Variants in DLG2 observed in about 807,000 individuals in gnomAD.
The protein encoded by DLG2 is disks large homolog 2.
DLG2 carries 45 observed loss-of-function variants against 132.5 expected under a neutral mutation model. The ratio of observed to expected loss-of-function variants is 0.34; its 90% confidence interval spans 0.27 to 0.44. The LOEUF (loss-of-function observed/expected upper bound fraction) is 0.44, where lower values mean the gene tolerates loss of function less well. Ranked by LOEUF, DLG2 falls within the 20% of genes least tolerant of loss-of-function variation. The pLI, the probability that DLG2 is intolerant of heterozygous loss-of-function variation, is 1.00. For synonymous variants in DLG2, 424 were observed against 419.6 expected (o/e 1.01, Z -0.13); for missense variants, 1,045 against 1,196.9 (o/e 0.87, Z 1.87).
intron 21 of DLG2, among the ~76,000 whole-genome samples, chr11:83,526,059 C>T (rs977941022): frequency 3.9e-5 from 6 of 152,148 alleles, no homozygotes; most frequent in Non-Finnish European, 2.9e-5. Flanking sequence ...TGAGATTTCT[C>T]AATGCCAGCT....
intron 7 of DLG2, among the ~76,000 whole-genome samples, chr11:84,373,879 C>A (rs1272088155): frequency 6.6e-6 from 1 of 152,140 alleles, no homozygotes; most frequent in African/African-American, 2.4e-5. Context: ...AACACTGGAT[C>A]TAATCTCACA....
intron 6 of DLG2, among the ~76,000 whole-genome samples, chr11:84,544,704 A>G (rs948405165): frequency 2.6e-5 from 4 of 152,140 alleles, no homozygotes; most frequent in African/African-American, 9.7e-5. Flanking sequence ...TACAATATAT[A>G]TCTCATAGAA....
At chr11:83,823,690 T>G (rs2051548471) in intron 17 of DLG2, among the ~76,000 whole-genome samples, 1 of 152,136 alleles carries the variant, frequency 6.6e-6, no homozygotes, top group Non-Finnish European at 1.5e-5. Context: ...CATTAAACAT[T>G]TGCTCAGTAG....
At chr11:85,193,360 ATGC>A (rs547694797) in intron 4 of DLG2, among the ~76,000 whole-genome samples, 10 of 152,242 alleles carry the variant, frequency 6.6e-5, no homozygotes, top group Admixed American at 1.3e-4. Context: ...ATTATGAATA[ATGC>A]TGCTATGAAC....
At chr11:84,112,100 C>T (rs1300683508) in intron 9 of DLG2, among the ~76,000 whole-genome samples, 3 of 151,990 alleles carry the variant, frequency 2.0e-5, no homozygotes, top group Non-Finnish European at 4.4e-5. Context: ...GCAAGCTCCG[C>T]CTCCCGGGTT....
intron 6 of DLG2, among the ~76,000 whole-genome samples, chr11:84,928,982 G>GTGTGTATATATATATATATA (rs1400906684): frequency 1.6e-4 from 8 of 49,112 alleles, no homozygotes; most frequent in Admixed American, 2.9e-4. Context: ...GTGTGTGTGT[G>GTGTGTATATATATATATATA]TATATATATA....
Position 84,378,632 on chromosome 11 carries a change from A to T in DLG2, c.520-127341T>A, listed in dbSNP as rs2098738379. 2.6e-5 allele frequency among the ~76,000 whole-genome samples: 4 copies of T among 151,986 alleles called. No homozygotes were observed. The South Asian group carries it at 8.3e-4, about 32-fold the overall frequency. On this transcript the variant is annotated intron_variant, in intron 7 of 27. Transcript: ENST00000376104. ...ATTCACACTGTGTGTTCTAAAAACC[A>T]CCAATATAAGAGTTCAGGCCAGGCG... is the stretch of plus-strand genomic sequence containing the variant.
intron 16 of DLG2, among the ~76,000 whole-genome samples, chr11:83,845,769 A>G (rs1443793925): frequency 6.6e-6 from 1 of 152,210 alleles, no homozygotes; most frequent in Non-Finnish European, 1.5e-5. Context: ...TTGGAGCTAC[A>G]TAGATCTAGG....
intron 3 of DLG2, among the ~76,000 whole-genome samples, chr11:85,535,411 G>A (rs993854506): frequency 6.6e-6 from 1 of 151,972 alleles, no homozygotes; most frequent in Admixed American, 6.6e-5. Flanking sequence ...TAATGTCAGT[G>A]CGTAGCAGTT....
intron 3 of DLG2, among the ~76,000 whole-genome samples, chr11:85,493,408 C>T (rs1272992520): frequency 1.3e-5 from 2 of 152,146 alleles, no homozygotes; most frequent in Non-Finnish European, 2.9e-5. Flanking sequence ...GCTTAAATGT[C>T]ACCTTCTAAA....
intron 8 of DLG2, among the ~76,000 whole-genome samples, chr11:84,226,562 C>T (rs1442384630): frequency 6.6e-6 from 1 of 152,174 alleles, no homozygotes; most frequent in Non-Finnish European, 1.5e-5. Flanking sequence ...TTTCTAATAA[C>T]ATATGCATTG....
intron 7 of DLG2, among the ~76,000 whole-genome samples, chr11:84,408,337 T>TTA (rs34156590): frequency 0.016 from 2,372 of 148,360 alleles, 28 homozygotes; most frequent in Non-Finnish European, 0.021. Flanking sequence ...CTTGCACATG[T>TTA]TATATATATA....
chr11:84,899,072 C>G (rs1037862124), intron 6 of DLG2, among the ~76,000 whole-genome samples: 2 of 152,006 alleles, frequency 1.3e-5, no homozygotes, highest in Non-Finnish European at 2.9e-5. Context: ...AAATAGGCTT[C>G]AATTCCGGCC....
At chr11:85,442,968 G>C (rs2091855554) in intron 3 of DLG2, among the ~76,000 whole-genome samples, 1 of 152,056 alleles carries the variant, frequency 6.6e-6, no homozygotes, top group South Asian at 2.1e-4. Flanking sequence ...TTTTCTTTTT[G>C]AACAAGTTAA....
At chr11:84,533,510 G>T (rs2099347720) in intron 7 of DLG2, among the ~76,000 whole-genome samples, 2 of 152,002 alleles carry the variant, frequency 1.3e-5, no homozygotes, top group Non-Finnish European at 1.5e-5. Context: ...TTTATGTATT[G>T]GTAGTAGCTA....
intron 6 of DLG2, among the ~76,000 whole-genome samples, chr11:84,540,615 T>C (rs1030045895): frequency 3.3e-5 from 5 of 152,186 alleles, no homozygotes; most frequent in Non-Finnish European, 5.9e-5. Flanking sequence ...ACTTCCACCA[T>C]TGTGGAAGTC....
intron 7 of DLG2, among the ~76,000 whole-genome samples, chr11:84,335,460 T>A (rs17147208): frequency 0.077 from 11,695 of 152,274 alleles, 616 homozygotes; most frequent in East Asian, 0.22. Flanking sequence ...TTTGAGCAAG[T>A]AGGTTGACAA....
chr11:85,435,839 A>G (rs2091450595), intron 3 of DLG2, among the ~76,000 whole-genome samples: 1 of 152,204 alleles, frequency 6.6e-6, no homozygotes, highest in Non-Finnish European at 1.5e-5. Flanking sequence ...ACCAAAAAAG[A>G]GCCCTCATGG....
chr11:83,720,294 GAAAAAAAAAAAAAAAAAAA>G (rs10573464), intron 18 of DLG2, among the ~76,000 whole-genome samples: 4 of 27,302 alleles, frequency 1.5e-4, no homozygotes, highest in African/African-American at 2.8e-4. Flanking sequence ...CTCCATCTCA[GAAAAAAAAAAAAAAAAAAA>G]AAAAAAAAAA....
Sources: gnomAD v4.1 joint callset for allele counts (sites outside exome capture counted in the v4.1 genomes callset) on GRCh38, gnomAD v4.1.1 for gene constraint, MANE v1.5 for transcripts, NCBI Gene and HGNC (gene_info 2026-07-23, HGNC 2026-07-21) for gene names.